Variants in ANKRD27 observed in about 807,000 individuals in gnomAD.
ANKRD27 encodes the protein ankyrin repeat domain 27.
In ANKRD27, 112 loss-of-function variants were observed where a neutral mutation model predicts 129.7. The ratio of observed to expected loss-of-function variants is 0.86; its 90% CI spans 0.74 to 1.01. ANKRD27 has a LOEUF of 1.01. Among genes scored for constraint, ANKRD27 ranks in the 50% least tolerant of loss-of-function variants. ANKRD27 has a pLI of 0.00. For missense variants in ANKRD27, 1,258 were observed against 1,300.5 expected (o/e 0.97, Z 0.50); for synonymous variants, 516 against 511.2 (o/e 1.01, Z -0.13).
intron 1 of ANKRD27, among the ~76,000 whole-genome samples, chr19:32,664,219 TC>T (rs1193228353): frequency 3.9e-5 from 6 of 152,064 alleles, no homozygotes; most frequent in Non-Finnish European, 7.4e-5. Context: ...ACAGGCACAA[TC>T]TCAGCTCACC....
chr19:32,600,991 C>T (rs1412399684), intron 26 of ANKRD27, among the ~76,000 whole-genome samples: 2 of 152,098 alleles, frequency 1.3e-5, no homozygotes, highest in African/African-American at 2.4e-5. Flanking sequence ...CCTCCGTACA[C>T]GTACAAACTT....
rs890631686 is a variant in ANKRD27 at position 32,630,684 on chromosome 19, G to A, written c.1209+718C>T. ...CTCACTCTGCCACCTAGGCTGGAGT[G>A]CAACGGCACAATCATAGCTCACGGC... is the stretch of plus-strand genomic sequence containing the variant. On this transcript the variant is annotated intron_variant, in intron 13 of 28. Transcript: ENST00000306065. Among the ~76,000 whole-genome samples the A allele has an allele frequency of 2.6e-5, 4 of 152,306 alleles. No individual in the cohort carries two copies. In the South Asian group the frequency reaches 8.3e-4, roughly 32 times the overall value.
intron 12 of ANKRD27, among the ~76,000 whole-genome samples, chr19:32,634,800 A>C (rs1967060122): frequency 6.6e-6 from 1 of 152,158 alleles, no homozygotes; most frequent in South Asian, 2.1e-4. Context: ...CTGTAGTCCC[A>C]GGTACTTGGG....
At chr19:32,626,365 G>T (rs1019013806) in intron 16 of ANKRD27, among the ~76,000 whole-genome samples, 1 of 152,018 alleles carries the variant, frequency 6.6e-6, no homozygotes, top group African/African-American at 2.4e-5. Flanking sequence ...GTAGAGATAG[G>T]GTCTCCCTAG....
At chr19:32,622,671 A>G in intron 17 of ANKRD27, 52 bp from the exon 18 acceptor site, 5 of 1,588,194 alleles carry the variant, frequency 3.1e-6, no homozygotes, top group Non-Finnish European at 4.3e-6. Context: ...AAGCCTCGAC[A>G]AGGTCCGTGC....
intron 23 of ANKRD27, among the ~76,000 whole-genome samples, chr19:32,606,214 G>A (rs772859914): frequency 6.6e-4 from 97 of 146,244 alleles, no homozygotes; most frequent in Non-Finnish European, 1.1e-3. Context: ...GTGCAGTGGC[G>A]TGATCTTGGC....
intron 18 of ANKRD27, among the ~76,000 whole-genome samples, chr19:32,620,231 C>T (rs1971986842): frequency 6.6e-6 from 1 of 151,124 alleles, no homozygotes; most frequent in Admixed American, 6.6e-5. Flanking sequence ...ATGCTGTGTC[C>T]CTGCCACACA....
intron 2 of ANKRD27, among the ~76,000 whole-genome samples, chr19:32,656,286 C>G (rs1967535449): frequency 6.6e-6 from 1 of 152,122 alleles, no homozygotes; most frequent in Non-Finnish European, 1.5e-5. Context: ...AAAATATGCA[C>G]TTGTCTAGAC....
chr19:32,665,765 T>C (rs780086023), intron 1 of ANKRD27, among the ~76,000 whole-genome samples: 1 of 151,436 alleles, frequency 6.6e-6, no homozygotes, highest in Non-Finnish European at 1.5e-5. Context: ...AGCCTGCCGT[T>C]TTTTTTGTTT....
Position 32,607,739 on chromosome 19 carries a change from C to T in ANKRD27, c.2269G>A (p.Ala757Thr), listed in dbSNP as rs773851362. 4 of 1,612,990 alleles carry T rather than the reference C, an allele frequency of 2.5e-6. No homozygotes were observed. The highest frequency in any genetic ancestry group is 3.4e-6 in the Non-Finnish European group (4 of 1,179,638). The change falls in exon 23 of 29, where the codon GCG becomes ACG. Residue 757 changes from alanine to threonine, a missense_variant. By Grantham distance (58) the Ala-to-Thr change is moderately conservative. Coordinates refer to ENST00000306065, the MANE Select transcript of ANKRD27 (RefSeq NM_032139.3). ...TTCAGCAGGAGGGGGATGAGGTCCG[C>T]CCGGCCGTGCAGGGCGGCGACATGC... ...PLHVAALHGR[A>T]DLIPLLLKHG...
chr19:32,603,284 A>G (rs1971679751), intron 25 of ANKRD27, among the ~76,000 whole-genome samples: 1 of 152,160 alleles, frequency 6.6e-6, no homozygotes, highest in Non-Finnish European at 1.5e-5. Context: ...CTGTCTTAAG[A>G]AACAAAAAAT....
In ANKRD27 at chr19:32,675,164, C is replaced by T. The variant is rs1033803859; in HGVS notation, c.-124G>A. The T allele has an allele frequency of 7.9e-5, 12 of 152,446 alleles. No homozygotes were observed. Among genetic ancestry groups the T allele is most frequent in the African/African-American group, 2.9e-4 (12 of 41,472 alleles). The allele number at this position is 152,446 out of a possible 1,614,324, so 9.4% of individuals were successfully genotyped here. On this transcript the variant is annotated 5_prime_UTR_variant, in exon 1 of 29. Transcript: ENST00000306065. Reference sequence around the variant, plus strand: ...GGGACCTCGATGCCCACCACCCTCGCGCGGCGATCTGGCCCTATAGCCCAC... The same window carrying T: ...GGGACCTCGATGCCCACCACCCTCGTGCGGCGATCTGGCCCTATAGCCCAC...
At chr19:32,669,577 G>A (rs961249044) in intron 1 of ANKRD27, among the ~76,000 whole-genome samples, 2 of 152,250 alleles carry the variant, frequency 1.3e-5, no homozygotes, top group Non-Finnish European at 2.9e-5. Flanking sequence ...GGGAAAAGGC[G>A]CTCCTTCTGC....
chr19:32,670,200 G>A (rs560614167), intron 1 of ANKRD27, among the ~76,000 whole-genome samples: 5 of 152,248 alleles, frequency 3.3e-5, no homozygotes, highest in South Asian at 2.1e-4. Context: ...ACTGCTGTGC[G>A]GACAGGGCCT....
At chr19:32,605,295 G>A (rs1374567271) in intron 24 of ANKRD27, among the ~76,000 whole-genome samples, 2 of 152,120 alleles carry the variant, frequency 1.3e-5, no homozygotes, top group Non-Finnish European at 2.9e-5. Flanking sequence ...CTGAGCCTGG[G>A]AGACTGAGGC....
chr19:32,627,983 A>G lies in ANKRD27; in HGVS notation c.1420+100T>C, dbSNP rs1363248855. On this transcript the variant is annotated intron_variant, in intron 15 of 28. Coordinates refer to ENST00000306065, the MANE Select transcript of ANKRD27 (RefSeq NM_032139.3). ...GACCCACGATGCAGCCCCAACTGCC[A>G]ACCCCCACCCAGCCCATCAGCCAGG... 5 of 1,106,914 alleles carry G rather than the reference A, an allele frequency of 4.5e-6. No individual in the cohort carries two copies. In the East Asian group the frequency reaches 1.2e-4, roughly 26 times the overall value. The allele number at this position is 1,106,914 out of a possible 1,614,324, so 68.6% of individuals were successfully genotyped here. A position where few individuals can be genotyped will look rare whatever the true frequency, so the allele number is the denominator to read the frequency against.
chr19:32,640,871 G>A (rs1967186379), intron 10 of ANKRD27, among the ~76,000 whole-genome samples: 1 of 152,024 alleles, frequency 6.6e-6, no homozygotes, highest in African/African-American at 2.4e-5. Flanking sequence ...ACCCAGCCTG[G>A]GTGACAGAGT....
chr19:32,672,415 C>G (rs1967889373), intron 1 of ANKRD27, among the ~76,000 whole-genome samples: 1 of 152,202 alleles, frequency 6.6e-6, no homozygotes. Context: ...GCCTGGTTCC[C>G]TGCAGAGATG....
chr19:32,619,406 A>G, intron 19 of ANKRD27, 27 bp from the exon 20 acceptor site: 1 of 1,613,742 alleles, frequency 6.2e-7, no homozygotes, highest in Non-Finnish European at 8.5e-7. Flanking sequence ...CCAACGAGAG[A>G]GAGGACAGGA....
Sources: allele counts gnomAD v4.1 joint callset (sites outside exome capture counted in the v4.1 genomes callset), GRCh38; gene constraint gnomAD v4.1.1; transcripts MANE v1.5; gene names NCBI Gene and HGNC (gene_info 2026-07-23, HGNC 2026-07-21).